Variants in XAGE5 observed in about 807,000 individuals in gnomAD.
The protein encoded by XAGE5 is G antigen, family D, 5.
Under a neutral mutation model 13.1 loss-of-function variants are expected in XAGE5, and 13 were observed. The observed-to-expected ratio is 0.99, with a 90% CI of 0.64 to 1.57. The LOEUF is 1.57. Ranked by LOEUF, XAGE5 falls within the 40% of genes most tolerant of loss-of-function variation. The pLI, the probability that XAGE5 is intolerant of heterozygous loss-of-function variation, is 0.00. For synonymous variants in XAGE5, 17 were observed against 25.0 expected, an observed-to-expected ratio of 0.68 and a Z score of 0.96; for missense variants, 86 against 77.6, an observed-to-expected ratio of 1.11 and a Z score of -0.41.
At position 52,815,202 on chromosome X, in the gene XAGE5, A is replaced by G. The variant is rs369382978; in HGVS notation, c.289A>G (p.Lys97Glu). The change falls in exon 5 of 6, where the codon AAA (lysine) becomes GAA (glutamate). Residue 97 changes from lysine (K) to glutamate (E), a missense_variant. Lys to Glu is a moderately conservative substitution (Grantham distance 56, BLOSUM62 1). Transcript: ENST00000375501. Reference protein sequence around the residue: ...GKILPKSEQFKMPEGGEGKPQ... With the variant: ...GKILPKSEQFEMPEGGEGKPQ... ...GATTCTGCCAAAATCAGAGCAATTT[A>G]AAATGCCAGAAGGAGGTATGTTATC... is the stretch of plus-strand genomic sequence containing the variant. 2.0e-5 allele frequency: 24 copies of G among 1,208,653 alleles called. No individual in the cohort carries two copies. Among genetic ancestry groups the G allele is most frequent in the Non-Finnish European group, 4.5e-6 (4 of 894,522 alleles).
chrX:52,815,255 T>C, intron 5 of XAGE5, 38 bp downstream of exon 5: 13 of 1,164,210 alleles, frequency 1.1e-5, no homozygotes, highest in Non-Finnish European at 1.5e-5. Context: ...ATGTGCTTTC[T>C]GTATTACACA....
intron 4 of XAGE5, among the ~76,000 whole-genome samples, chrX:52,813,897 G>A (rs1379566459): frequency 2.7e-5 from 3 of 111,544 alleles, no homozygotes; most frequent in Non-Finnish European, 5.6e-5. Context: ...CAGCTACTAA[G>A]TAGGCTGAGG....
chrX:52,816,627 CAT>C (rs1339249816), intron 5 of XAGE5, among the ~76,000 whole-genome samples: 19 of 112,377 alleles, frequency 1.7e-4, no homozygotes, highest in Admixed American at 1.9e-4. Flanking sequence ...ATCTTTTACA[CAT>C]GTTTTCCAAA....
intron 5 of XAGE5, among the ~76,000 whole-genome samples, chrX:52,817,612 AG>A (rs1339468646): frequency 8.9e-6 from 1 of 112,224 alleles, no homozygotes; most frequent in Non-Finnish European, 1.9e-5. Context: ...GCAATATCAC[AG>A]CACTTCTTCA....
chrX:52,813,099 A>T, intron 3 of XAGE5, 41 bp from the exon 4 acceptor site: 4 of 1,145,078 alleles, frequency 3.5e-6, no homozygotes, highest in Non-Finnish European at 4.8e-6. Context: ...AAAATTTTTT[A>T]TCTCCACACA....
intron 4 of XAGE5, 110 bp downstream of exon 4, chrX:52,813,355 T>A: frequency 1.3e-6 from 1 of 776,138 alleles, no homozygotes. Context: ...GGAAAGGATC[T>A]CAAACATTTG....
chrX:52,812,767 G>A, intron 3 of XAGE5, 129 bp downstream of exon 3: 1 of 617,478 alleles, frequency 1.6e-6, no homozygotes, highest in Non-Finnish European at 2.5e-6. Context: ...GGCATCTCAT[G>A]AAGGAAAGAG....
At chrX:52,816,756 T>C (rs1446210446) in intron 5 of XAGE5, among the ~76,000 whole-genome samples, 1 of 111,644 alleles carries the variant, frequency 9.0e-6, no homozygotes, top group African/African-American at 3.3e-5. Flanking sequence ...ATTACATCAA[T>C]AGATAGTTTG....
intron 4 of XAGE5, chrX:52,814,062 A>G (rs1418256495): frequency 9.3e-6 from 2 of 215,561 alleles, no homozygotes; most frequent in African/African-American, 2.9e-5. Flanking sequence ...TTACCAAGAA[A>G]ACTTGACTCA....
intron 4 of XAGE5, 71 bp downstream of exon 4, chrX:52,813,316 G>T: frequency 1.0e-6 from 1 of 971,282 alleles, no homozygotes; most frequent in South Asian, 2.1e-5. Context: ...CTTATGCCAT[G>T]ACCAGTAACA....
intron 4 of XAGE5, 87 bp from the exon 5 acceptor site, chrX:52,815,005 G>A: frequency 8.2e-6 from 9 of 1,100,015 alleles, no homozygotes; most frequent in African/African-American, 1.8e-5. Flanking sequence ...GGCTTTTATT[G>A]CACAACACTG....
intron 4 of XAGE5, among the ~76,000 whole-genome samples, chrX:52,813,722 G>A (rs1926849081): frequency 9.0e-6 from 1 of 111,416 alleles, no homozygotes; most frequent in Non-Finnish European, 1.9e-5. Flanking sequence ...GAAAACTGAG[G>A]CCGGGCGTGG....
chrX:52,815,018 GA>G (rs1468363016), intron 4 of XAGE5, 73 bp from the exon 5 acceptor site: 55 of 1,155,039 alleles, frequency 4.8e-5, no homozygotes, highest in Non-Finnish European at 1.2e-6. Flanking sequence ...CAACACTGAG[GA>G]AAAGAATAGG....
intron 5 of XAGE5, among the ~76,000 whole-genome samples, chrX:52,816,866 T>C (rs1403278894): frequency 8.1e-5 from 9 of 111,129 alleles, no homozygotes; most frequent in Non-Finnish European, 1.7e-4. Context: ...ACAAATTACA[T>C]GATACAAGAA....
intron 5 of XAGE5, among the ~76,000 whole-genome samples, chrX:52,816,247 C>T (rs1287498618): frequency 2.7e-5 from 3 of 112,128 alleles, no homozygotes; most frequent in Non-Finnish European, 5.6e-5. Flanking sequence ...CTCACCGGAC[C>T]CAATGATTGC....
chrX:52,812,658 A>C lies in XAGE5; in HGVS notation c.72+20A>C. On this transcript the variant is annotated intron_variant, in intron 3 of 5. Coordinates refer to ENST00000375501, the MANE Select transcript of XAGE5 (RefSeq NM_001386970.1). ...ATGCTTGTGAGTGACTTCACATTCG[A>C]TTTTTTTCTACTAGCAGAAATTTTT... The C allele has an allele frequency of 8.3e-7, 1 of 1,204,897 alleles. No homozygotes were observed. Among genetic ancestry groups the C allele is most frequent in the East Asian group, 3.0e-5 (1 of 33,753 alleles).
intron 4 of XAGE5, chrX:52,814,205 T>C (rs782445576): frequency 1.8e-5 from 6 of 328,535 alleles, no homozygotes; most frequent in Non-Finnish European, 3.0e-5. Context: ...CGATATTGGC[T>C]CAGGACAAAA....
At chrX:52,812,853 C>T (rs1352184108) in intron 3 of XAGE5, among the ~76,000 whole-genome samples, 1 of 111,521 alleles carries the variant, frequency 9.0e-6, no homozygotes, top group Non-Finnish European at 1.9e-5. Flanking sequence ...GTGATTTCCT[C>T]TTCATGCTTA....
intron 5 of XAGE5, among the ~76,000 whole-genome samples, chrX:52,817,073 G>GA (rs1481070498): frequency 1.8e-5 from 2 of 111,416 alleles, no homozygotes; most frequent in African/African-American, 6.5e-5. Context: ...GAAAAAAATG[G>GA]AAAAAGCACA....
Sources: allele counts gnomAD v4.1 joint callset (sites outside exome capture counted in the v4.1 genomes callset), GRCh38; gene constraint gnomAD v4.1.1; transcripts MANE v1.5; gene names NCBI Gene and HGNC (gene_info 2026-07-23, HGNC 2026-07-21).